Variants in FGFR1 observed in about 807,000 individuals in gnomAD.
FGFR1 encodes fibroblast growth factor receptor 1.
In FGFR1, 18 loss-of-function variants were observed where a neutral mutation model predicts 93.7. The ratio of observed to expected loss-of-function variants is 0.19; its 90% CI spans 0.13 to 0.28. The LOEUF (loss-of-function observed/expected upper bound fraction) is 0.28, where lower values mean the gene tolerates loss of function less well. Ranked by LOEUF, FGFR1 falls within the 10% of genes least tolerant of loss-of-function variation. The pLI, the probability that FGFR1 is intolerant of heterozygous loss-of-function variation, is 1.00. For synonymous variants in FGFR1, 448 were observed against 429.3 expected, an observed-to-expected ratio of 1.04 and a Z score of -0.54; for missense variants, 731 against 1,080.4, an observed-to-expected ratio of 0.68 and a Z score of 4.53.
chr8:38,457,632 A>C, intron 1 of FGFR1, 98 bp from the exon 2 acceptor site: 1 of 1,245,668 alleles, frequency 8.0e-7, no homozygotes, highest in Non-Finnish European at 1.1e-6. Context: ...TGGCTGCTTA[A>C]AGTGTGGACT....
chr8:38,422,364 A>G lies in FGFR1; in HGVS notation c.937-423T>C, dbSNP rs17182359. The stretch of plus-strand genomic sequence containing the variant: ...CGCATACACACACGCACATGTGCAT[A>G]CACAGCCAGCAGATGCGAGTATGCA... On this transcript the variant is annotated intron_variant, in intron 7 of 17. Coordinates refer to ENST00000447712, the MANE Select transcript of FGFR1 (RefSeq NM_023110.3). 7.4e-3 allele frequency: 2,961 copies of G among 400,220 alleles called. 23 individuals carry two copies. The highest frequency in any genetic ancestry group is 0.011 in the Admixed American group (276 of 25,276). 24.8% of individuals were successfully genotyped at this position (400,220 alleles called of 1,614,324 possible).
chr8:38,430,066 G>A (rs889785036), intron 2 of FGFR1, 118 bp from the exon 3 acceptor site: 2 of 1,048,338 alleles, frequency 1.9e-6, no homozygotes, highest in Admixed American at 2.4e-5. Context: ...CACCATCCTG[G>A]GCATCACTTA....
rs1001859876 is a variant in FGFR1 at position 38,453,245 on chromosome 8, G to A, written c.91+4111C>T. On this transcript the variant is annotated intron_variant, in intron 2 of 17. Transcript: ENST00000447712. ...CCTGGGGCTTGTTCTCCAAGTGCAG[G>A]GGCTTTCCGTTGCTGTGTCCCATGA... Among the ~76,000 whole-genome samples the A allele has an allele frequency of 2.0e-5, 3 of 152,162 alleles. No homozygotes were observed. The East Asian group carries it at 5.8e-4, about 29-fold the overall frequency.
Position 38,413,894 on chromosome 8 carries a change from T to C in FGFR1, c.2292+24A>G, listed in dbSNP as rs759860221. The stretch of plus-strand genomic sequence containing the variant: ...CACGCAGTGGGGACGGCCTGAGCTC[T>C]GGCTCTGGCACGGGCAGCCTTACCT... On this transcript the variant is annotated intron_variant, in intron 17 of 17. Coordinates refer to ENST00000447712, the MANE Select transcript of FGFR1 (RefSeq NM_023110.3). The surrounding 1 kb of genome is among the most constrained non-coding windows in gnomAD (Gnocchi z 4.2). The C allele has an allele frequency of 1.9e-6, 3 of 1,613,038 alleles. No homozygotes were observed. The highest frequency in any genetic ancestry group is 1.1e-5 in the South Asian group (1 of 91,032).
chr8:38,425,427 C>T (rs768781261), intron 6 of FGFR1, among the ~76,000 whole-genome samples: 13 of 152,152 alleles, frequency 8.5e-5, no homozygotes, highest in Non-Finnish European at 1.5e-4. Flanking sequence ...GGATCACAGG[C>T]GTGAGTAATC....
rs1815010131 is a variant in FGFR1, at chr8:38,413,335, C to T, written c.*293G>A. The T allele has an allele frequency of 2.0e-6, 1 of 502,758 alleles. No homozygotes were observed. The highest frequency in any genetic ancestry group is 3.5e-6 in the Non-Finnish European group (1 of 282,484). 31.1% of individuals were successfully genotyped at this position (502,758 alleles called of 1,614,324 possible). On this transcript the variant is annotated 3_prime_UTR_variant, in exon 18 of 18. Coordinates refer to ENST00000447712, the MANE Select transcript of FGFR1 (RefSeq NM_023110.3). This position sits in a 1 kb window ranked among gnomAD's most constrained non-coding sequence, Gnocchi z 4.2. ...TGTTCATTGGCTCCCACTCCCTGCC[C>T]TCCAGGCAGTGCCTGGTGGCAGGGA...
intron 2 of FGFR1, chr8:38,430,885 G>A (rs1023155356): frequency 3.9e-5 from 6 of 152,120 alleles, no homozygotes; most frequent in Admixed American, 6.6e-5. Flanking sequence ...CTTCCCGCAC[G>A]CGTTCAAGAA....
rs1563556648 is a variant in FGFR1, at chr8:38,439,865, T to TCGCAC, written c.92-9918_92-9917insGTGCG. On this transcript the variant is annotated intron_variant, in intron 2 of 17. Transcript: ENST00000447712. ...AGCTGAAAATGTTCATGCCTGTGTC[T>TCGCAC]TGCACTTACTCATGTTGCTGGGGTG... 1.1e-3 allele frequency among the ~76,000 whole-genome samples: 168 copies of TCGCAC among 152,292 alleles called. 1 individual carries two copies. Among genetic ancestry groups the TCGCAC allele is most frequent in the African/African-American group, 3.8e-3 (156 of 41,568 alleles).
At chr8:38,419,883 G>T (rs1357629009) in intron 8 of FGFR1, 148 bp from the exon 9 acceptor site, 1 of 664,656 alleles carries the variant, frequency 1.5e-6, no homozygotes, top group African/African-American at 1.8e-5. Flanking sequence ...GACTGGGATT[G>T]TGGCACTAGG....
rs553804570 is a variant in FGFR1 at position 38,433,774 on chromosome 8, G to A, written c.92-3826C>T. Among the ~76,000 whole-genome samples the A allele has an allele frequency of 2.3e-3, 346 of 152,278 alleles. 4 individuals carry two copies. The highest frequency in any genetic ancestry group is 3.0e-3 in the Non-Finnish European group (202 of 68,032). On this transcript the variant is annotated intron_variant, in intron 2 of 17. Transcript: ENST00000447712. ...GTATTGTTTCTATTTTATTTAAACAGCAGACAGGTAATTCACATGCTGTAA... is the reference window on the plus strand; with the variant it reads ...GTATTGTTTCTATTTTATTTAAACAACAGACAGGTAATTCACATGCTGTAA...
chr8:38,424,188 G>A lies in FGFR1; in HGVS notation c.936+321C>T, dbSNP rs1042896180. 3.5e-5 allele frequency: 17 copies of A among 484,026 alleles called. No homozygotes were observed. Among genetic ancestry groups the A allele is most frequent in the East Asian group, 8.5e-5 (2 of 23,590 alleles). The allele number at this position is 484,026 out of a possible 1,614,324, so 30.0% of individuals were successfully genotyped here. A position where few individuals can be genotyped will look rare whatever the true frequency, so the allele number is the denominator to read the frequency against. ...CGCTTGGTGGAAAGGCTCTGGTTTC[G>A]GGCAATGAAAAGGCAGGGGTCCAAA... On this transcript the variant is annotated intron_variant, in intron 7 of 17. Transcript: ENST00000447712. This position sits in a 1 kb window ranked among gnomAD's most constrained non-coding sequence, Gnocchi z 4.3.
Position 38,467,993 on chromosome 8 carries a change from G to T in FGFR1, c.-101C>A, listed in dbSNP as rs879268255. 7.3e-5 allele frequency: 16 copies of T among 219,650 alleles called. No homozygotes were observed. Among genetic ancestry groups the T allele is most frequent in the Non-Finnish European group, 1.2e-4 (13 of 109,458 alleles). The allele number at this position is 219,650 out of a possible 1,614,324, so 13.6% of individuals were successfully genotyped here. A position where few individuals can be genotyped will look rare whatever the true frequency, so the allele number is the denominator to read the frequency against. On this transcript the variant is annotated 5_prime_UTR_variant, in exon 1 of 18. Coordinates refer to ENST00000447712, the MANE Select transcript of FGFR1 (RefSeq NM_023110.3). ...CCGCGGCTCTTACCTCGCTCGGCGT[G>T]GAGGTTCCGCCTCGGGAGAGTCCGC...
At chr8:38,421,330 A>C (rs1818687806) in intron 8 of FGFR1, among the ~76,000 whole-genome samples, 1 of 152,224 alleles carries the variant, frequency 6.6e-6, no homozygotes, top group Non-Finnish European at 1.5e-5. Flanking sequence ...CAAAGGCAAT[A>C]GGATGGCAGT....
At chr8:38,436,858 G>A (rs1280129187) in intron 2 of FGFR1, among the ~76,000 whole-genome samples, 1 of 152,058 alleles carries the variant, frequency 6.6e-6, no homozygotes, top group Non-Finnish European at 1.5e-5. Flanking sequence ...CTGCAGGCTT[G>A]TACTTCCAAC....
intron 2 of FGFR1, among the ~76,000 whole-genome samples, chr8:38,442,152 T>A (rs1232703566): frequency 6.6e-6 from 1 of 152,152 alleles, no homozygotes; most frequent in Non-Finnish European, 1.5e-5. Flanking sequence ...ATCTGCACGA[T>A]AATAGAAAGC....
At chr8:38,417,490 T>A in intron 11 of FGFR1, 74 bp from the exon 12 acceptor site, 1 of 1,268,306 alleles carries the variant, frequency 7.9e-7, no homozygotes, top group Non-Finnish European at 1.1e-6. Flanking sequence ...GAGTGGGGTA[T>A]GTGTCGAGGG....
intron 2 of FGFR1, among the ~76,000 whole-genome samples, chr8:38,450,702 C>T (rs973676496): frequency 7.9e-5 from 12 of 152,200 alleles, no homozygotes; most frequent in African/African-American, 2.9e-4. Flanking sequence ...TTTGGGATCC[C>T]TCCCTTCCCC....
At chr8:38,423,324 T>G (rs1039971620) in intron 7 of FGFR1, 30 of 606,520 alleles carry the variant, frequency 4.9e-5, no homozygotes, top group Non-Finnish European at 8.4e-5. Flanking sequence ...TTTTTTTTTT[T>G]TTTTTTTTTT....
At chr8:38,422,594 G>C in intron 7 of FGFR1, 1 of 285,420 alleles carries the variant, frequency 3.5e-6, no homozygotes, top group Admixed American at 4.8e-5. Flanking sequence ...TAGAGATGGG[G>C]TCTTGCTATG....
Sources: allele counts gnomAD v4.1 joint callset (sites outside exome capture counted in the v4.1 genomes callset), GRCh38; gene constraint gnomAD v4.1.1; non-coding constraint Gnocchi (gnomAD v3.1); transcripts MANE v1.5; gene names NCBI Gene and HGNC (gene_info 2026-07-23, HGNC 2026-07-21).